NFIA: variants seen among roughly 807,000 people sequenced by gnomAD.
NFIA encodes the protein nuclear factor I A.
NFIA carries 8 observed loss-of-function variants against 62.8 expected under a neutral mutation model. That is an observed-to-expected ratio of 0.13 (90% confidence interval 0.07 to 0.23). The LOEUF (loss-of-function observed/expected upper bound fraction) is 0.23. NFIA is among the 10% of genes least tolerant of loss of function. The probability of loss-of-function intolerance (pLI) is 1.00; values close to 1 mark genes in which losing one functional copy is unlikely to be tolerated. For synonymous variants in NFIA, 235 were observed against 238.1 expected (o/e 0.99, Z 0.12); for missense variants, 410 against 642.1 (o/e 0.64, Z 3.91).
upstream of NFIA, chr1:61,081,802 G>A: frequency 7.1e-7 from 1 of 1,411,196 alleles, no homozygotes; most frequent in South Asian, 1.4e-5. Flanking sequence ...TTGCAGGATT[G>A]TGTGCATAAT....
At chr1:61,090,103 T>A (rs911885148) in intron 2 of NFIA, among the ~76,000 whole-genome samples, 1 of 152,238 alleles carries the variant, frequency 6.6e-6, no homozygotes, top group African/African-American at 2.4e-5. Context: ...TAAGCAGGAA[T>A]AAGTAGCCCT....
intron 3 of NFIA, among the ~76,000 whole-genome samples, chr1:61,315,256 G>C (rs1308121374): frequency 6.6e-6 from 1 of 152,186 alleles, no homozygotes; most frequent in Admixed American, 6.5e-5. Flanking sequence ...GTGACACTGA[G>C]GGTCAGAAAT....
chr1:61,298,738 G>T (rs1398233818), intron 3 of NFIA, among the ~76,000 whole-genome samples: 1 of 152,078 alleles, frequency 6.6e-6, no homozygotes, highest in Non-Finnish European at 1.5e-5. Flanking sequence ...TGCCTACAAG[G>T]TGTTTAGCAG....
chr1:61,173,457 G>A (rs1238729320), intron 2 of NFIA, among the ~76,000 whole-genome samples: 4 of 151,824 alleles, frequency 2.6e-5, no homozygotes, highest in Admixed American at 2.6e-4. Context: ...GCGTGATCTC[G>A]GCTCACTGCA....
intron 9 of NFIA, among the ~76,000 whole-genome samples, chr1:61,416,459 C>T (rs1178665867): frequency 3.9e-5 from 6 of 152,060 alleles, no homozygotes; most frequent in Non-Finnish European, 7.4e-5. Context: ...ATACTCTTTT[C>T]CCCCTCACAG....
At chr1:61,421,603 G>A (rs539376632) in intron 9 of NFIA, among the ~76,000 whole-genome samples, 79 of 152,142 alleles carry the variant, frequency 5.2e-4, no homozygotes, top group Non-Finnish European at 8.4e-4. Flanking sequence ...TCACCCTGCC[G>A]TATCTTTTCT....
intron 2 of NFIA, 125 bp from the exon 3 acceptor site, chr1:61,277,395 C>T: frequency 6.2e-6 from 5 of 806,814 alleles, no homozygotes; most frequent in Middle Eastern, 4.8e-4. Flanking sequence ...TTTCATGTCT[C>T]ATGTCATTTC....
chr1:61,118,211 GA>G lies in NFIA; in HGVS notation c.559+29539del, dbSNP rs201622725. Among the ~76,000 whole-genome samples the G allele has an allele frequency of 0.012, 1,746 of 149,372 alleles. 105 individuals carry two copies. The East Asian group carries it at 0.18, about 16-fold the overall frequency. ...AAGAACAAAAAAAAAAAAAAGAAAA[GA>G]AAAAAAAGAAATATTGTCTGGCTAA... On this transcript the variant is annotated intron_variant, in intron 2 of 10. Coordinates refer to ENST00000403491, the MANE Select transcript of NFIA (RefSeq NM_001134673.4).
chr1:61,150,382 TG>T (rs1277519191), intron 2 of NFIA, among the ~76,000 whole-genome samples: 1 of 152,202 alleles, frequency 6.6e-6, no homozygotes, highest in Admixed American at 6.5e-5. Context: ...CTGGTCTTAC[TG>T]TTCTAAGAAG....
intron 2 of NFIA, among the ~76,000 whole-genome samples, chr1:61,264,651 TACAAAAAAAAA>T (rs1657033066): frequency 7.7e-5 from 1 of 13,020 alleles, no homozygotes. Context: ...AACTCCACCT[TACAAAAAAAAA>T]AAAAAAAAAA....
At chr1:61,271,799 A>G (rs534564760) in intron 2 of NFIA, among the ~76,000 whole-genome samples, 121 of 152,358 alleles carry the variant, frequency 7.9e-4, no homozygotes, top group African/African-American at 2.7e-3. Flanking sequence ...ACATATATCT[A>G]GACAAACACT....
intron 4 of NFIA, among the ~76,000 whole-genome samples, chr1:61,334,309 A>C (rs1027326932): frequency 6.6e-6 from 1 of 152,040 alleles, no homozygotes; most frequent in Admixed American, 6.5e-5. Context: ...TTAAAGTACC[A>C]ACCGGTTAAG....
chr1:61,171,612 CT>C (rs1167312233), intron 2 of NFIA, among the ~76,000 whole-genome samples: 1 of 152,136 alleles, frequency 6.6e-6, no homozygotes, highest in Non-Finnish European at 1.5e-5. Flanking sequence ...GTAGGTCTTT[CT>C]TGAAGAAATG....
At chr1:61,173,349 A>C (rs972121953) in intron 2 of NFIA, among the ~76,000 whole-genome samples, 1 of 152,166 alleles carries the variant, frequency 6.6e-6, no homozygotes, top group Non-Finnish European at 1.5e-5. Context: ...ATCATGGGCA[A>C]GTCACTGACT....
intron 2 of NFIA, among the ~76,000 whole-genome samples, chr1:61,203,398 A>ACCAC (rs1269415980): frequency 6.6e-6 from 1 of 152,148 alleles, no homozygotes; most frequent in Non-Finnish European, 1.5e-5. Flanking sequence ...GGGATGGCTC[A>ACCAC]CCACCCTCCC....
chr1:61,204,481 T>C (rs578241383), intron 2 of NFIA, among the ~76,000 whole-genome samples: 1 of 152,162 alleles, frequency 6.6e-6, no homozygotes, highest in Non-Finnish European at 1.5e-5. Context: ...CTTTATATTT[T>C]TTTATTTTTT....
chr1:61,293,951 G>A (rs150393463), intron 3 of NFIA, among the ~76,000 whole-genome samples: 31 of 152,312 alleles, frequency 2.0e-4, no homozygotes, highest in Admixed American at 5.9e-4. Context: ...TTGCTAGCCA[G>A]GGTACTAGCC....
chr1:61,284,188 T>A (rs1263966367), intron 3 of NFIA, among the ~76,000 whole-genome samples: 2 of 152,176 alleles, frequency 1.3e-5, no homozygotes, highest in Non-Finnish European at 2.9e-5. Context: ...AGGTCCCAAC[T>A]CAGGGAGACA....
chr1:61,200,419 AAAG>A (rs1652394049), intron 2 of NFIA, among the ~76,000 whole-genome samples: 2 of 152,278 alleles, frequency 1.3e-5, no homozygotes, highest in Admixed American at 6.5e-5. Flanking sequence ...ACAGAAAAAA[AAAG>A]AAATTAAGGA....
Sources: gnomAD v4.1 joint callset for allele counts (sites outside exome capture counted in the v4.1 genomes callset) on GRCh38, gnomAD v4.1.1 for gene constraint, MANE v1.5 for transcripts, NCBI Gene and HGNC (gene_info 2026-07-23, HGNC 2026-07-21) for gene names.